WWOX: variants seen among roughly 807,000 people sequenced by gnomAD.
The protein encoded by WWOX is WW domain-containing oxidoreductase.
In WWOX, 69 loss-of-function variants were observed where a neutral mutation model predicts 46.2. The observed-to-expected ratio is 1.49, with a 90% CI of 1.23 to 1.82. The LOEUF (loss-of-function observed/expected upper bound fraction) is 1.82, where lower values mean the gene tolerates loss of function less well. Among genes scored for constraint, WWOX ranks in the 40% most tolerant of loss-of-function variants. The probability of loss-of-function intolerance (pLI) is 0.00; values close to 1 mark genes in which losing one functional copy is unlikely to be tolerated. For missense variants in WWOX, 919 were observed against 542.6 expected, an observed-to-expected ratio of 1.69 and a Z score of -6.89; for synonymous variants, 359 against 202.6, an observed-to-expected ratio of 1.77 and a Z score of -6.56.
intron 6 of WWOX, among the ~76,000 whole-genome samples, chr16:78,391,442 C>G (rs1349342726): frequency 1.3e-5 from 2 of 152,164 alleles, no homozygotes; most frequent in Non-Finnish European, 2.9e-5. Flanking sequence ...GTAGGAGATC[C>G]AGAATTTGAA....
At chr16:78,759,379 A>G (rs1021930799) in intron 8 of WWOX, among the ~76,000 whole-genome samples, 3 of 152,122 alleles carry the variant, frequency 2.0e-5, no homozygotes, top group African/African-American at 7.2e-5. Context: ...TTCTTTTTCT[A>G]TTCTACCCTC....
chr16:79,119,515 A>G (rs1176014895), intron 8 of WWOX, among the ~76,000 whole-genome samples: 2 of 152,174 alleles, frequency 1.3e-5, no homozygotes, highest in African/African-American at 4.8e-5. Context: ...GATTGAAGCA[A>G]ATGAGTGACG....
At chr16:78,692,076 A>G (rs2048002962) in intron 8 of WWOX, among the ~76,000 whole-genome samples, 1 of 152,176 alleles carries the variant, frequency 6.6e-6, no homozygotes, top group Non-Finnish European at 1.5e-5. Flanking sequence ...GCCATGTGGA[A>G]CTGTAAGTCC....
intron 8 of WWOX, among the ~76,000 whole-genome samples, chr16:78,567,540 G>T (rs576003543): frequency 3.3e-5 from 4 of 122,080 alleles, no homozygotes; most frequent in African/African-American, 1.0e-4. Context: ...GCGACAGAAG[G>T]AGACTCCGTC....
Position 78,143,354 on chromosome 16 carries a change from T to C in WWOX, c.410-20829T>C, listed in dbSNP as rs903662570. On this transcript the variant is annotated intron_variant, in intron 4 of 8. Coordinates refer to ENST00000566780, the MANE Select transcript of WWOX (RefSeq NM_016373.4). ...TCAAGGTCATCTTCACGTCTTTAGT[T>C]CTTGTTTTGCTTCAGGTCAGTTTAG... 2.6e-5 allele frequency among the ~76,000 whole-genome samples: 4 copies of C among 152,312 alleles called. No individual in the cohort carries two copies. In the South Asian group the frequency reaches 8.3e-4, roughly 32 times the overall value.
chr16:79,063,850 G>A (rs1597339620), intron 8 of WWOX, among the ~76,000 whole-genome samples: 1 of 152,208 alleles, frequency 6.6e-6, no homozygotes, highest in African/African-American at 2.4e-5. Context: ...GATGATAGCT[G>A]TTGCTGCTCT....
chr16:78,807,437 A>G (rs964070878), intron 8 of WWOX, among the ~76,000 whole-genome samples: 1 of 152,250 alleles, frequency 6.6e-6, no homozygotes, highest in African/African-American at 2.4e-5. Flanking sequence ...TTTAAGGTCC[A>G]TTAATCGCTG....
intron 8 of WWOX, among the ~76,000 whole-genome samples, chr16:78,774,313 A>AT (rs1308115279): frequency 6.6e-6 from 1 of 152,104 alleles, no homozygotes; most frequent in African/African-American, 2.4e-5. Flanking sequence ...AAAAAGGAGA[A>AT]TCGCTTGAAT....
At position 79,097,618 on chromosome 16, in the gene WWOX, G is replaced by A. The variant is rs1300532632; in HGVS notation, c.1057-113990G>A. 5.3e-5 allele frequency among the ~76,000 whole-genome samples: 8 copies of A among 152,232 alleles called. No individual in the cohort carries two copies. In the South Asian group the frequency reaches 6.2e-4, roughly 12 times the overall value. On this transcript the variant is annotated intron_variant, in intron 8 of 8. Transcript: ENST00000566780. ...GAGCCCCTCAGGTTCTGAGAATGAC[G>A]ACATTCAACATCGTACTCCAAAGGG...
intron 8 of WWOX, among the ~76,000 whole-genome samples, chr16:78,957,621 A>C (rs866233147): frequency 2.1e-4 from 32 of 152,282 alleles, no homozygotes; most frequent in Admixed American, 5.2e-4. Context: ...GTCTCTTCGG[A>C]TAGATTCTAT....
chr16:78,545,892 C>T (rs569536823), intron 8 of WWOX, among the ~76,000 whole-genome samples: 3 of 152,250 alleles, frequency 2.0e-5, no homozygotes, highest in South Asian at 2.1e-4. Flanking sequence ...ATAAGGACAC[C>T]AGTCCTCTTG....
intron 8 of WWOX, among the ~76,000 whole-genome samples, chr16:78,614,417 G>C (rs1047028454): frequency 2.0e-5 from 3 of 152,210 alleles, no homozygotes; most frequent in African/African-American, 7.2e-5. Flanking sequence ...CTGCCTTTGA[G>C]CCGGGGCCCT....
At chr16:78,109,301 A>C (rs2032348215) in intron 2 of WWOX, among the ~76,000 whole-genome samples, 2 of 152,054 alleles carry the variant, frequency 1.3e-5, no homozygotes, top group South Asian at 4.2e-4. Context: ...AGCCTAGGCA[A>C]CATAGTGAGA....
intron 1 of WWOX, among the ~76,000 whole-genome samples, chr16:78,103,808 G>C (rs971086670): frequency 6.6e-6 from 1 of 152,010 alleles, no homozygotes; most frequent in African/African-American, 2.4e-5. Flanking sequence ...AGAGGCTGTA[G>C]CTCCCACTGA....
At chr16:78,197,028 T>C (rs1190526920) in intron 5 of WWOX, among the ~76,000 whole-genome samples, 3 of 152,230 alleles carry the variant, frequency 2.0e-5, no homozygotes, top group East Asian at 1.9e-4. Context: ...GAAGGTGATA[T>C]TGCATTGCAA....
chr16:78,483,057 T>C (rs899546194), intron 8 of WWOX, among the ~76,000 whole-genome samples: 1 of 152,300 alleles, frequency 6.6e-6, no homozygotes, highest in African/African-American at 2.4e-5. Flanking sequence ...GAAGGGCCTC[T>C]TCAACCTACC....
At chr16:79,102,274 C>T (rs1290546970) in intron 8 of WWOX, among the ~76,000 whole-genome samples, 1 of 152,078 alleles carries the variant, frequency 6.6e-6, no homozygotes, top group Non-Finnish European at 1.5e-5. Flanking sequence ...ATTGGGTCAG[C>T]GTCTTGTGAC....
intron 8 of WWOX, among the ~76,000 whole-genome samples, chr16:79,011,958 T>G (rs1166875016): frequency 6.6e-6 from 1 of 152,198 alleles, no homozygotes. Flanking sequence ...CTGGCCTCTG[T>G]CAACTTCCTT....
intron 5 of WWOX, among the ~76,000 whole-genome samples, chr16:78,385,148 C>CACACACACACACACACACAG (rs1364215804): frequency 1.3e-4 from 20 of 151,630 alleles, no homozygotes; most frequent in African/African-American, 4.6e-4. Context: ...CACACACACA[C>CACACACACACACACACACAG]ACACACACAC....
Sources: gnomAD v4.1 joint callset for allele counts (sites outside exome capture counted in the v4.1 genomes callset) on GRCh38, gnomAD v4.1.1 for gene constraint, MANE v1.5 for transcripts, NCBI Gene and HGNC (gene_info 2026-07-23, HGNC 2026-07-21) for gene names.